Variants in GPC3 observed in about 807,000 individuals in gnomAD.
GPC3 encodes the protein glypican 3.
GPC3 carries 3 observed loss-of-function variants against 34.4 expected under a neutral mutation model. The ratio of observed to expected loss-of-function variants is 0.09; its 90% CI spans 0.04 to 0.23. The LOEUF (loss-of-function observed/expected upper bound fraction) is 0.23, where lower values mean the gene tolerates loss of function less well. Among genes scored for constraint, GPC3 ranks in the 10% least tolerant of loss-of-function variants. The pLI, the probability that GPC3 is intolerant of heterozygous loss-of-function variation, is 1.00. For synonymous variants in GPC3, 177 were observed against 174.0 expected (o/e 1.02, Z -0.13); for missense variants, 351 against 445.6 (o/e 0.79, Z 1.91).
intron 2 of GPC3, among the ~76,000 whole-genome samples, chrX:133,923,039 G>T (rs1028700726): frequency 1.8e-5 from 2 of 110,858 alleles, no homozygotes; most frequent in African/African-American, 6.6e-5. Flanking sequence ...ACAGTTTTAG[G>T]ATGAAAAGAG....
At chrX:133,593,120 G>GAGT in intron 7 of GPC3, among the ~76,000 whole-genome samples, 1 of 109,833 alleles carries the variant, frequency 9.1e-6, no homozygotes, top group East Asian at 2.9e-4. Flanking sequence ...ACGAGGTCAG[G>GAGT]AGTTCGAGAC....
intron 6 of GPC3, among the ~76,000 whole-genome samples, chrX:133,647,088 TCC>T (rs2070552264): frequency 9.0e-6 from 1 of 111,481 alleles, no homozygotes; most frequent in Non-Finnish European, 1.9e-5. Context: ...GCGAAAAGAA[TCC>T]CCCTACTTTC....
intron 2 of GPC3, among the ~76,000 whole-genome samples, chrX:133,942,482 C>T (rs967298254): frequency 1.8e-5 from 2 of 111,533 alleles, no homozygotes; most frequent in Non-Finnish European, 3.8e-5. Flanking sequence ...TACAGAAGTA[C>T]ATTATTGACA....
chrX:133,625,977 A>C (rs1246365847), intron 6 of GPC3, among the ~76,000 whole-genome samples: 3 of 111,406 alleles, frequency 2.7e-5, no homozygotes, highest in Non-Finnish European at 5.7e-5. Flanking sequence ...ATATAGACCA[A>C]TGGAATAGAA....
chrX:133,882,251 C>A (rs1232259280), intron 2 of GPC3, among the ~76,000 whole-genome samples: 1 of 111,274 alleles, frequency 9.0e-6, no homozygotes, highest in African/African-American at 3.3e-5. Flanking sequence ...AGTGCCAGAC[C>A]CTGAGTCGAT....
chrX:133,816,555 T>C (rs1230848797), intron 2 of GPC3, among the ~76,000 whole-genome samples: 1 of 112,003 alleles, frequency 8.9e-6, no homozygotes, highest in Non-Finnish European at 1.9e-5. Context: ...AAATTACATG[T>C]ATTATTTCAT....
intron 2 of GPC3, among the ~76,000 whole-genome samples, chrX:133,865,243 A>T (rs1031711168): frequency 1.8e-5 from 2 of 112,570 alleles, no homozygotes; most frequent in Admixed American, 1.9e-4. Flanking sequence ...GGAATAACTA[A>T]TTACATTGTG....
At chrX:133,598,319 ATT>A (rs775555818) in intron 6 of GPC3, among the ~76,000 whole-genome samples, 15 of 99,015 alleles carry the variant, frequency 1.5e-4, no homozygotes, top group South Asian at 4.5e-4. Flanking sequence ...TCCCCAGCTA[ATT>A]TTTTTTTTTT....
intron 2 of GPC3, among the ~76,000 whole-genome samples, chrX:133,867,785 A>G (rs1281210330): frequency 3.7e-5 from 4 of 106,698 alleles, no homozygotes; most frequent in Non-Finnish European, 7.7e-5. Flanking sequence ...AGACAAGCAG[A>G]CGAGGAGATG....
At chrX:133,868,819 C>T (rs1346827723) in intron 2 of GPC3, among the ~76,000 whole-genome samples, 1 of 111,719 alleles carries the variant, frequency 9.0e-6, no homozygotes, top group African/African-American at 3.3e-5. Context: ...TATTCTTTGA[C>T]TCTGCTTTCT....
chrX:133,911,333 C>T (rs987443316), intron 2 of GPC3, among the ~76,000 whole-genome samples: 1 of 112,295 alleles, frequency 8.9e-6, no homozygotes, highest in Non-Finnish European at 1.9e-5. Flanking sequence ...ATATGCAGTA[C>T]ATATAGGACT....
intron 6 of GPC3, among the ~76,000 whole-genome samples, chrX:133,647,276 T>A (rs1170108356): frequency 8.9e-6 from 1 of 112,654 alleles, no homozygotes; most frequent in Non-Finnish European, 1.9e-5. Flanking sequence ...CCAGGCATTG[T>A]TCAAAGAGCT....
intron 2 of GPC3, among the ~76,000 whole-genome samples, chrX:133,899,389 T>A (rs2076134510): frequency 9.0e-6 from 1 of 111,539 alleles, no homozygotes; most frequent in African/African-American, 3.3e-5. Context: ...TATTGCTACA[T>A]CATTTGTTGT....
At chrX:133,936,927 A>G (rs1195078638) in intron 2 of GPC3, among the ~76,000 whole-genome samples, 1 of 111,729 alleles carries the variant, frequency 9.0e-6, no homozygotes, top group African/African-American at 3.3e-5. Context: ...CCTTTGGTCT[A>G]TCTGGCGCCA....
intron 3 of GPC3, among the ~76,000 whole-genome samples, chrX:133,745,611 G>A (rs2071605087): frequency 8.9e-6 from 1 of 112,604 alleles, no homozygotes; most frequent in Admixed American, 9.4e-5. Context: ...AACTGCCACT[G>A]TTCTCAGTAT....
intron 6 of GPC3, among the ~76,000 whole-genome samples, chrX:133,657,133 G>A (rs1229688654): frequency 8.9e-6 from 1 of 112,099 alleles, no homozygotes; most frequent in East Asian, 2.8e-4. Context: ...ACAACGGGCA[G>A]GAAAACAATT....
intron 6 of GPC3, among the ~76,000 whole-genome samples, chrX:133,649,487 T>C (rs921380565): frequency 9.0e-6 from 1 of 111,242 alleles, no homozygotes; most frequent in East Asian, 2.8e-4. Context: ...GACCATGGGT[T>C]ATCAGATTGC....
intron 2 of GPC3, among the ~76,000 whole-genome samples, chrX:133,805,096 C>T (rs965264390): frequency 6.3e-5 from 7 of 111,989 alleles, no homozygotes; most frequent in Non-Finnish European, 9.4e-5. Context: ...GGTCAAAATT[C>T]GTCCTTGAGT....
intron 6 of GPC3, among the ~76,000 whole-genome samples, chrX:133,610,953 CAG>C (rs1308615242): frequency 1.9e-5 from 2 of 107,257 alleles, no homozygotes; most frequent in Non-Finnish European, 3.8e-5. Flanking sequence ...CAGGGGAAGA[CAG>C]AAAGTCTACG....
Sources: allele counts gnomAD v4.1 joint callset (sites outside exome capture counted in the v4.1 genomes callset), GRCh38; gene constraint gnomAD v4.1.1; transcripts MANE v1.5; gene names NCBI Gene and HGNC (gene_info 2026-07-23, HGNC 2026-07-21).